DDX25: variants seen among roughly 807,000 people sequenced by gnomAD.
DDX25 encodes DEAD-box helicase 25, also known as ATP-dependent RNA helicase DDX25.
A neutral mutation model predicts 64.6 loss-of-function variants in DDX25; 70 were observed. The observed-to-expected ratio is 1.08, with a 90% CI of 0.89 to 1.32. DDX25 has a LOEUF of 1.32. Among genes scored for constraint, DDX25 ranks in the 40% most tolerant of loss-of-function variants. DDX25 has a pLI of 0.00. For missense variants in DDX25, 587 were observed against 604.4 expected (o/e 0.97, Z 0.30); for synonymous variants, 211 against 213.3 (o/e 0.99, Z 0.09).
Position 125,925,283 on chromosome 11 carries a change from C to A in DDX25, c.*2402C>A. 1 of 373,598 alleles carries A rather than the reference C, an allele frequency of 2.7e-6. No homozygotes were observed. The highest frequency in any genetic ancestry group is 5.5e-6 in the Non-Finnish European group (1 of 183,456). The allele number at this position is 373,598 out of a possible 1,614,324, so 23.1% of individuals were successfully genotyped here. A position where few individuals can be genotyped will look rare whatever the true frequency, so the allele number is the denominator to read the frequency against. ...GTCCTCAGTAATTTTTGTTTGGCAG[C>A]TGTTCCCACAGGTCTGCATGAACCA... On this transcript the variant is annotated 3_prime_UTR_variant, in exon 12 of 12. Transcript: ENST00000263576.
rs574380484 is a variant in DDX25 at position 125,921,073 on chromosome 11, C to G, written c.1202-118C>G. The G allele has an allele frequency of 6.6e-6, 7 of 1,052,738 alleles. No homozygotes were observed. In the African/African-American group the frequency reaches 1.1e-4, roughly 17 times the overall value. The allele number at this position is 1,052,738 out of a possible 1,614,324, so 65.2% of individuals were successfully genotyped here. ...AGTACCTGTCTCAATTACATAAGCC[C>G]TGGTTGGATTTCTAAATTTTCTCTA... On this transcript the variant is annotated intron_variant, in intron 10 of 11. Transcript: ENST00000263576. The surrounding 1 kb of genome is among the most constrained non-coding windows in gnomAD (Gnocchi z 4.1).
At chr11:125,914,253 A>C (rs11220273) in intron 8 of DDX25, among the ~76,000 whole-genome samples, 1 of 152,152 alleles carries the variant, frequency 6.6e-6, no homozygotes, top group Non-Finnish European at 1.5e-5. Flanking sequence ...CTCTGTGTGC[A>C]TGGCTGGGGC....
intron 10 of DDX25, among the ~76,000 whole-genome samples, chr11:125,920,117 C>T (rs1335559371): frequency 1.3e-5 from 2 of 152,178 alleles, no homozygotes; most frequent in South Asian, 2.1e-4. Context: ...GTGCAGAAGT[C>T]TTCCGAGGCA....
rs1166211369 is a variant in DDX25 at position 125,910,357 on chromosome 11, C to G, written c.508-7C>G. ...TTCTCCTCCCCTCTTCTCTCTCTATCCCACAGTGCCTCTGCCTAGCTCCTA... is the reference window on the plus strand; with the variant it reads ...TTCTCCTCCCCTCTTCTCTCTCTATGCCACAGTGCCTCTGCCTAGCTCCTA... On this transcript the variant is annotated splice_polypyrimidine_tract_variant and splice_region_variant and intron_variant, in intron 6 of 11. Coordinates refer to ENST00000263576, the MANE Select transcript of DDX25 (RefSeq NM_013264.5). 1 of 1,612,892 alleles carries G rather than the reference C, an allele frequency of 6.2e-7. No individual in the cohort carries two copies. Among genetic ancestry groups the G allele is most frequent in the Non-Finnish European group, 8.5e-7 (1 of 1,178,974 alleles).
At chr11:125,918,559 G>A in intron 9 of DDX25, 69 bp from the exon 10 acceptor site, 2 of 1,547,758 alleles carry the variant, frequency 1.3e-6, no homozygotes, top group South Asian at 1.2e-5. Context: ...CATGCATGGT[G>A]TCACAAGCAC....
At chr11:125,908,024 C>T (rs1591515709) in intron 4 of DDX25, among the ~76,000 whole-genome samples, 172 bp from the exon 5 acceptor site, 1 of 152,344 alleles carries the variant, frequency 6.6e-6, no homozygotes, top group East Asian at 1.9e-4. Context: ...TCCAGCTCTA[C>T]AGGCATGATT....
At chr11:125,908,579 C>A in intron 6 of DDX25, 76 bp downstream of exon 6, 2 of 1,285,422 alleles carry the variant, frequency 1.6e-6, no homozygotes, top group Non-Finnish European at 2.3e-6. Flanking sequence ...TATTCCTGTG[C>A]AATGATATGG....
chr11:125,915,655 C>T (rs1945027780), intron 8 of DDX25, among the ~76,000 whole-genome samples: 2 of 152,232 alleles, frequency 1.3e-5, no homozygotes, highest in Admixed American at 6.5e-5. Context: ...GATTGTGACC[C>T]AGCAGGTGGC....
Position 125,917,205 on chromosome 11 carries a change from A to G in DDX25, c.992A>G (p.Asn331Ser), listed in dbSNP as rs778195394. The G allele has an allele frequency of 8.1e-6, 13 of 1,610,408 alleles. No homozygotes were observed. The East Asian group carries it at 2.7e-4, about 33-fold the overall frequency. ...AAAGACAAATACCAAGCTCTGTGCA[A>G]CATTTATGGCAGCATCACCATTGGT... ...HRKDKYQALCNIYGSITIGQA... is the reference protein window; with the variant it reads ...HRKDKYQALCSIYGSITIGQA... Residue 331 changes from asparagine to serine, a missense_variant, in exon 9 of 12, where the codon AAC becomes AGC. Transcript: ENST00000263576.
In DDX25 at chr11:125,921,365, T is replaced by C; in HGVS notation, c.1376T>C (p.Ile459Thr). 6.2e-7 allele frequency: 1 copy of C among 1,613,586 alleles called. No individual in the cohort carries two copies. Among genetic ancestry groups the C allele is most frequent in the Non-Finnish European group, 8.5e-7 (1 of 1,179,788 alleles). The change falls in exon 11 of 12, where the codon ATC (isoleucine) becomes ACC (threonine). Residue 459 changes from isoleucine (I) to threonine (T), a missense_variant. Ile to Thr is a moderately conservative substitution (Grantham distance 89, BLOSUM62 -1). Transcript: ENST00000263576. The surrounding 1 kb of genome is among the most constrained non-coding windows in gnomAD (Gnocchi z 4.1). ...EVDELPSLMK[I>T]QDHFNSSIKQ... ...GATGAGCTGCCCTCGCTCATGAAAA[T>C]CCAGGACCACTTTAGTAAGTAGCAC...
chr11:125,911,270 G>A, intron 7 of DDX25, 41 bp from the exon 8 acceptor site: 1 of 1,558,884 alleles, frequency 6.4e-7, no homozygotes, highest in Non-Finnish European at 8.7e-7. Context: ...TGTTGGAGTT[G>A]TTTGCATCTG....
chr11:125,917,393 C>A, intron 9 of DDX25, 142 bp downstream of exon 9: 1 of 729,682 alleles, frequency 1.4e-6, no homozygotes, highest in Non-Finnish European at 2.2e-6. Context: ...CAGCTCTAAA[C>A]AGAAATTACC....
At position 125,917,057 on chromosome 11, in the gene DDX25, T is replaced by G. The variant is rs1945047995; in HGVS notation, c.844T>G (p.Phe282Val). 1 of 1,608,522 alleles carries G rather than the reference T, an allele frequency of 6.2e-7. No individual in the cohort carries two copies. Among genetic ancestry groups the G allele is most frequent in the African/African-American group, 1.3e-5 (1 of 74,986 alleles). Reference protein sequence around the residue: ...ECQMLLFSATFEDSVWHFAER... With the variant: ...ECQMLLFSATVEDSVWHFAER... The stretch of plus-strand genomic sequence containing the variant: ...CCAAATGCTCCTCTTTTCAGCAACC[T>G]TTGAGGACTCTGTGTGGCACTTTGC... The change falls in exon 9 of 12, where the codon TTT becomes GTT. Residue 282 changes from phenylalanine (F) to valine (V), a missense_variant. By Grantham distance (50) the Phe-to-Val change is conservative (BLOSUM62 -1). Transcript: ENST00000263576.
Position 125,921,372 on chromosome 11 carries a change from C to T in DDX25, c.1383C>T (p.Asp461=). The T allele has an allele frequency of 6.2e-7, 1 of 1,613,504 alleles. No individual in the cohort carries two copies. ...DELPSLMKIQ[D]HFNSSIKQLN... ...TGCCCTCGCTCATGAAAATCCAGGA[C>T]CACTTTAGTAAGTAGCACCACCCTC... is the stretch of plus-strand genomic sequence containing the variant. Residue 461 remains aspartate, a synonymous_variant, in exon 11 of 12, where the codon GAC becomes GAT. Coordinates refer to ENST00000263576, the MANE Select transcript of DDX25 (RefSeq NM_013264.5). The surrounding 1 kb of genome is among the most constrained non-coding windows in gnomAD (Gnocchi z 4.1).
intron 4 of DDX25, 147 bp downstream of exon 4, chr11:125,906,356 G>T (rs1261006906): frequency 1.2e-5 from 13 of 1,079,238 alleles, no homozygotes; most frequent in Non-Finnish European, 1.6e-5. Context: ...GTCTCACTCT[G>T]TCCCCCAGGC....
At chr11:125,918,433 T>A (rs1945067354) in intron 9 of DDX25, among the ~76,000 whole-genome samples, 195 bp from the exon 10 acceptor site, 1 of 152,156 alleles carries the variant, frequency 6.6e-6, no homozygotes, top group African/African-American at 2.4e-5. Flanking sequence ...GTGGAGAGGA[T>A]GTGAGCCTTA....
At position 125,907,898 on chromosome 11, in the gene DDX25, T is replaced by C. The variant is rs996814398; in HGVS notation, c.312-298T>C. Among the ~76,000 whole-genome samples, 5 of 152,332 alleles carry C rather than the reference T, an allele frequency of 3.3e-5. No individual in the cohort carries two copies. In the South Asian group the frequency reaches 8.3e-4, roughly 25 times the overall value. On this transcript the variant is annotated intron_variant, in intron 4 of 11. Transcript: ENST00000263576. ...ATATAACTCTCTTGGCAAGCAGATA[T>C]ATTCTTTTTATGCGATGAGTTTTTC... is the stretch of plus-strand genomic sequence containing the variant.
rs552113421 is a variant in DDX25 at position 125,922,537 on chromosome 11, C to T, written c.1391-283C>T. 1.3e-4 allele frequency: 44 copies of T among 334,426 alleles called. 1 individual carries two copies. Among genetic ancestry groups the T allele is most frequent in the African/African-American group, 7.2e-4 (34 of 47,422 alleles). The allele number at this position is 334,426 out of a possible 1,614,324, so 20.7% of individuals were successfully genotyped here. A position where few individuals can be genotyped will look rare whatever the true frequency, so the allele number is the denominator to read the frequency against. ...TGGTGAGCTTCTAAGGCCCTGGTCT[C>T]AGGAAGTGACTGCAGTAGAAGAGCC... On this transcript the variant is annotated intron_variant, in intron 11 of 11. Coordinates refer to ENST00000263576, the MANE Select transcript of DDX25 (RefSeq NM_013264.5).
intron 2 of DDX25, 30 bp from the exon 3 acceptor site, chr11:125,905,523 C>T: frequency 6.5e-7 from 1 of 1,547,102 alleles, no homozygotes; most frequent in Non-Finnish European, 8.7e-7. Context: ...TTTGTCTTTA[C>T]TTGTATTGTT....
Sources: gnomAD v4.1 joint callset for allele counts (sites outside exome capture counted in the v4.1 genomes callset) on GRCh38, gnomAD v4.1.1 for gene constraint, Gnocchi (gnomAD v3.1) non-coding constraint, MANE v1.5 for transcripts, NCBI Gene and HGNC (gene_info 2026-07-23, HGNC 2026-07-21) for gene names.